Variants in ATP10A observed in about 807,000 individuals in gnomAD.
ATP10A encodes phospholipid-transporting ATPase VA.
In ATP10A, 111 loss-of-function variants were observed where a neutral mutation model predicts 147.8. The observed-to-expected ratio is 0.75, with a 90% CI of 0.64 to 0.88. ATP10A has a LOEUF of 0.88. Among genes scored for constraint, ATP10A ranks in the 40% least tolerant of loss-of-function variants. ATP10A has a pLI of 0.00. For synonymous variants in ATP10A, 875 were observed against 841.6 expected (o/e 1.04, Z -0.69); for missense variants, 1,927 against 1,959.0 (o/e 0.98, Z 0.31).
At chr15:25,721,543 CGTG>C (rs1775745157) in intron 7 of ATP10A, 111 bp downstream of exon 7, 1 of 748,320 alleles carries the variant, frequency 1.3e-6, no homozygotes, top group African/African-American at 1.8e-5. Context: ...ATCCCTGAAG[CGTG>C]TGTGTGTGTG....
chr15:25,734,001 G>A (rs576003556), intron 3 of ATP10A, among the ~76,000 whole-genome samples: 1 of 152,344 alleles, frequency 6.6e-6, no homozygotes, highest in South Asian at 2.1e-4. Flanking sequence ...CCCGGGGGGA[G>A]TGCAGCCAGG....
intron 13 of ATP10A, among the ~76,000 whole-genome samples, 196 bp downstream of exon 13, chr15:25,701,720 T>G (rs1376980305): frequency 6.6e-6 from 1 of 152,174 alleles, no homozygotes; most frequent in Non-Finnish European, 1.5e-5. Flanking sequence ...AGCCCAGACA[T>G]GCATTCCTTT....
At chr15:25,753,744 T>TTA (rs1007816738) in intron 2 of ATP10A, among the ~76,000 whole-genome samples, 1 of 148,858 alleles carries the variant, frequency 6.7e-6, no homozygotes, top group African/African-American at 2.5e-5. Context: ...CACATATATG[T>TTA]TATATATATC....
chr15:25,767,311 A>G (rs1475606867), intron 2 of ATP10A, among the ~76,000 whole-genome samples: 4 of 152,172 alleles, frequency 2.6e-5, no homozygotes, highest in Non-Finnish European at 5.9e-5. Context: ...GGTGCCATGC[A>G]AGGCTGCTGT....
intron 15 of ATP10A, 64 bp from the exon 16 acceptor site, chr15:25,687,892 T>TA: frequency 6.2e-7 from 1 of 1,606,168 alleles, no homozygotes; most frequent in Admixed American, 1.7e-5. Context: ...TGTCTTCTCT[T>TA]CTCAAAATGC....
intron 2 of ATP10A, among the ~76,000 whole-genome samples, chr15:25,738,998 A>G (rs1887435093): frequency 6.6e-6 from 1 of 152,232 alleles, no homozygotes; most frequent in African/African-American, 2.4e-5. Flanking sequence ...CATTAACAGA[A>G]AAAGATTGTA....
intron 1 of ATP10A, among the ~76,000 whole-genome samples, chr15:25,821,382 C>A (rs1891874412): frequency 6.9e-6 from 1 of 145,026 alleles, no homozygotes; most frequent in Admixed American, 6.9e-5. Flanking sequence ...CAGAGTAAGA[C>A]CCTGTCTCAA....
At chr15:25,706,769 A>G (rs1247338380) in intron 12 of ATP10A, among the ~76,000 whole-genome samples, 2 of 152,194 alleles carry the variant, frequency 1.3e-5, no homozygotes, top group East Asian at 3.9e-4. Context: ...AGTGCTGTCC[A>G]GGGGAAAAGC....
chr15:25,834,751 G>A (rs147693361), intron 1 of ATP10A, among the ~76,000 whole-genome samples: 2,308 of 152,254 alleles, frequency 0.015, 23 homozygotes, highest in Middle Eastern at 0.031. Context: ...ACAAGATGTG[G>A]TACATCCATA....
chr15:25,856,762 G>A (rs1034683212), intron 1 of ATP10A, among the ~76,000 whole-genome samples: 7 of 151,632 alleles, frequency 4.6e-5, no homozygotes, highest in South Asian at 4.2e-4. Flanking sequence ...CCAAAACAAC[G>A]ACAACAACAA....
chr15:25,697,988 G>C (rs1013185182), intron 13 of ATP10A, among the ~76,000 whole-genome samples: 3 of 151,698 alleles, frequency 2.0e-5, no homozygotes, highest in African/African-American at 7.3e-5. Context: ...TCTTCAAAAT[G>C]GTCAAAATGA....
chr15:25,743,718 C>T (rs1354220016), intron 2 of ATP10A, among the ~76,000 whole-genome samples: 2 of 152,226 alleles, frequency 1.3e-5, no homozygotes, highest in African/African-American at 2.4e-5. Flanking sequence ...GGAAACAGGT[C>T]TCACTGAGCT....
chr15:25,688,154 A>C (rs1237243287), intron 15 of ATP10A, among the ~76,000 whole-genome samples: 1 of 152,230 alleles, frequency 6.6e-6, no homozygotes, highest in Non-Finnish European at 1.5e-5. Flanking sequence ...ACAGAGATAC[A>C]TGGTGTTTAT....
intron 1 of ATP10A, among the ~76,000 whole-genome samples, chr15:25,787,406 G>A (rs1890220200): frequency 6.6e-6 from 1 of 151,960 alleles, no homozygotes; most frequent in Non-Finnish European, 1.5e-5. Flanking sequence ...TTGAACCCAG[G>A]AGTTCAAGAC....
Position 25,731,785 on chromosome 15 carries a change from C to G in ATP10A, c.740+4271G>C, listed in dbSNP as rs192337161. On this transcript the variant is annotated intron_variant, in intron 3 of 20. Coordinates refer to ENST00000555815, the MANE Select transcript of ATP10A (RefSeq NM_024490.4). ...GGCACTTGAATAATGAGGCTCCTAGCACTATTTTTCTGCCAGCTGGAGATA... is the reference window on the plus strand; with the variant it reads ...GGCACTTGAATAATGAGGCTCCTAGGACTATTTTTCTGCCAGCTGGAGATA... 3.5e-3 allele frequency among the ~76,000 whole-genome samples: 537 copies of G among 152,324 alleles called. 4 individuals carry two copies. Among genetic ancestry groups the G allele is most frequent in the African/African-American group, 0.013 (522 of 41,568 alleles).
intron 8 of ATP10A, 146 bp downstream of exon 8, chr15:25,718,036 G>T (rs201482007): frequency 1.2e-6 from 1 of 801,218 alleles, no homozygotes; most frequent in Non-Finnish European, 1.9e-6. Context: ...GAAAGTGTTG[G>T]CCAGAAAAGC....
downstream of ATP10A, chr15:25,677,679 GT>G (rs1293117767): frequency 6.6e-6 from 1 of 152,338 alleles, no homozygotes; most frequent in African/African-American, 2.4e-5. Context: ...TGGGACGGCT[GT>G]CACCTTCGGT....
Position 25,820,929 on chromosome 15 carries a change from T to C in ATP10A, c.450-39706A>G, listed in dbSNP as rs187303917. Among the ~76,000 whole-genome samples the C allele has an allele frequency of 1.4e-4, 21 of 152,236 alleles. No individual in the cohort carries two copies. The East Asian group carries it at 3.9e-3, about 28-fold the overall frequency. On this transcript the variant is annotated intron_variant, in intron 1 of 20. Transcript: ENST00000555815. ...GTTGATATATTGGAAGGTATGCAAG[T>C]TTTCCACTTTATGTGTCAAAAACAC... is the stretch of plus-strand genomic sequence containing the variant.
At chr15:25,733,965 C>A (rs1408511680) in intron 3 of ATP10A, among the ~76,000 whole-genome samples, 2 of 152,184 alleles carry the variant, frequency 1.3e-5, no homozygotes, top group East Asian at 3.9e-4. Context: ...CAGATGACAC[C>A]CACTCAAGAG....
Sources: allele counts gnomAD v4.1 joint callset (sites outside exome capture counted in the v4.1 genomes callset), GRCh38; gene constraint gnomAD v4.1.1; transcripts MANE v1.5; gene names NCBI Gene and HGNC (gene_info 2026-07-23, HGNC 2026-07-21).